The following MLXIP variants were observed in gnomAD, a reference collection of about 807,000 sequenced individuals.
MLXIP encodes the protein MLX-interacting protein.
In MLXIP, 30 loss-of-function variants were observed where a neutral mutation model predicts 87.2. The ratio of observed to expected loss-of-function variants is 0.34; its 90% CI spans 0.26 to 0.47. The LOEUF (loss-of-function observed/expected upper bound fraction) is 0.47. Ranked by LOEUF, MLXIP falls within the 20% of genes least tolerant of loss-of-function variation. The pLI is 1.00. For synonymous variants in MLXIP, 530 were observed against 514.0 expected, an observed-to-expected ratio of 1.03 and a Z score of -0.42; for missense variants, 1,002 against 1,240.1, an observed-to-expected ratio of 0.81 and a Z score of 2.88.
At position 122,135,498 on chromosome 12, in the gene MLXIP, G is replaced by T; in HGVS notation, c.1864G>T (p.Val622Phe). 1 of 1,609,716 alleles carries T rather than the reference G, an allele frequency of 6.2e-7. No individual in the cohort carries two copies. Among genetic ancestry groups the T allele is most frequent in the Non-Finnish European group, 8.5e-7 (1 of 1,178,478 alleles). ...APAAIARAPGVPEFHSSILVT... is the reference protein window; with the variant it reads ...APAAIARAPGFPEFHSSILVT... ...TCCCATGTCACTGCAGGCTCCTGGG[G>T]TCCCGGAGTTCCACAGCAGCATCCT... Residue 622 changes from valine (V) to phenylalanine (F), a missense_variant, in exon 11 of 17, where the codon GTC (valine) becomes TTC (phenylalanine). Physicochemically the swap from Val to Phe is conservative, Grantham distance 50. Transcript: ENST00000319080. This position sits in a 1 kb window ranked among gnomAD's most constrained non-coding sequence, Gnocchi z 5.3.
intron 1 of MLXIP, among the ~76,000 whole-genome samples, chr12:122,101,584 C>CTTTTTTTTTTT (rs371090324): frequency 8.2e-4 from 98 of 118,918 alleles, no homozygotes; most frequent in Middle Eastern, 4.8e-3. Context: ...CTTTTTTTTT[C>CTTTTTTTTTTT]TTTTTTTTTT....
intron 1 of MLXIP, among the ~76,000 whole-genome samples, chr12:122,119,453 G>A (rs1163016489): frequency 2.6e-5 from 4 of 151,874 alleles, no homozygotes; most frequent in East Asian, 1.9e-4. Context: ...GTGCAATGGC[G>A]CAATCTCAGC....
At chr12:122,128,077 G>A in intron 3 of MLXIP, 109 bp downstream of exon 3, 3 of 1,016,826 alleles carry the variant, frequency 3.0e-6, no homozygotes, top group Non-Finnish European at 4.5e-6. Flanking sequence ...GGGTAGTGCA[G>A]CGCCTGCCCT....
At chr12:122,125,842 G>A (rs887533224) in intron 1 of MLXIP, among the ~76,000 whole-genome samples, 1 of 152,220 alleles carries the variant, frequency 6.6e-6, no homozygotes, top group African/African-American at 2.4e-5. Context: ...CTCCTTGGGG[G>A]TTTGGGTGGG....
In MLXIP at chr12:122,133,530, G is replaced by T. The variant is rs374527589; in HGVS notation, c.1275G>T (p.Pro425=). The change falls in exon 9 of 17, where the codon CCG becomes CCT. Residue 425 remains proline, a synonymous_variant. Coordinates refer to ENST00000319080, the MANE Select transcript of MLXIP (RefSeq NM_014938.6). The surrounding 1 kb of genome is among the most constrained non-coding windows in gnomAD (Gnocchi z 4.9). ...FGPSEPPLSV[P]QPFLPVFTMP... ...CCTCAGAGCCGCCACTGAGTGTCCC[G>T]CAGCCCTTCCTCCCTGTCTTCACCA... The T allele has an allele frequency of 8.1e-6, 13 of 1,609,450 alleles. No homozygotes were observed. Among genetic ancestry groups the T allele is most frequent in the East Asian group, 4.5e-5 (2 of 44,622 alleles).
intron 1 of MLXIP, among the ~76,000 whole-genome samples, chr12:122,118,328 A>G (rs905162229): frequency 2.6e-5 from 4 of 152,220 alleles, no homozygotes; most frequent in Admixed American, 1.3e-4. Flanking sequence ...GTAAAGCACA[A>G]TACCGCAGAA....
chr12:122,118,369 T>C (rs1237304954), intron 1 of MLXIP, among the ~76,000 whole-genome samples: 3 of 152,208 alleles, frequency 2.0e-5, no homozygotes, highest in African/African-American at 4.8e-5. Flanking sequence ...TCCAGTGTTA[T>C]ATTTCAACAA....
At chr12:122,106,259 C>T (rs1019289902) in intron 1 of MLXIP, among the ~76,000 whole-genome samples, 5 of 150,060 alleles carry the variant, frequency 3.3e-5, no homozygotes, top group African/African-American at 1.2e-4. Flanking sequence ...CCCTTCTTTC[C>T]CTGGTTAACT....
At chr12:122,128,233 G>A (rs1346426854) in intron 3 of MLXIP, 2 of 413,716 alleles carry the variant, frequency 4.8e-6, no homozygotes, top group Non-Finnish European at 9.1e-6. Context: ...GTGTGTCTAT[G>A]TGTGATTATA....
chr12:122,134,026 G>T, intron 9 of MLXIP, 39 bp downstream of exon 9: 1 of 1,535,320 alleles, frequency 6.5e-7, no homozygotes, highest in South Asian at 1.2e-5. Context: ...GGCTCCCCCC[G>T]ACCCAGAGGG....
chr12:122,133,855 C>T lies in MLXIP; in HGVS notation c.1600C>T (p.Pro534Ser). The change falls in exon 9 of 17, where the codon CCA (proline) becomes TCA (serine). Residue 534 changes from proline to serine, a missense_variant. Around this residue, in one of 3 missense-constraint regions of MLXIP, gnomAD observed 746 missense variants for 897.0 expected, o/e 0.83. Coordinates refer to ENST00000319080, the MANE Select transcript of MLXIP (RefSeq NM_014938.6). The surrounding 1 kb of genome is among the most constrained non-coding windows in gnomAD (Gnocchi z 4.9). ...ALSPVTRPPQ[P>S]RLTFVHPKPV... ...GTCTCCTGTCACCCGGCCTCCCCAG[C>T]CACGGTTAACTTTTGTGCACCCCAA... 1 of 1,612,898 alleles carries T rather than the reference C, an allele frequency of 6.2e-7. No individual in the cohort carries two copies. The highest frequency in any genetic ancestry group is 8.5e-7 in the Non-Finnish European group (1 of 1,179,560).
intron 1 of MLXIP, among the ~76,000 whole-genome samples, chr12:122,090,818 A>G (rs539149710): frequency 6.6e-6 from 1 of 152,370 alleles, no homozygotes; most frequent in South Asian, 2.1e-4. Context: ...ATGCTGCAAC[A>G]TGGAAGAACC....
chr12:122,091,061 A>G (rs1421471543), intron 1 of MLXIP, among the ~76,000 whole-genome samples: 3 of 152,130 alleles, frequency 2.0e-5, no homozygotes, highest in East Asian at 1.9e-4. Flanking sequence ...CTCTGAATAT[A>G]CTGAAAACCA....
At chr12:122,140,586 G>A (rs777773442) in intron 15 of MLXIP, among the ~76,000 whole-genome samples, 2 of 152,124 alleles carry the variant, frequency 1.3e-5, no homozygotes, top group Admixed American at 6.6e-5. Flanking sequence ...GAGCCACCGC[G>A]CCCGGCTGGC....
chr12:122,101,449 C>CTT (rs201053521), intron 1 of MLXIP, among the ~76,000 whole-genome samples: 4 of 149,078 alleles, frequency 2.7e-5, no homozygotes, highest in South Asian at 2.1e-4. Context: ...TAATATATGT[C>CTT]TTTTTTTTTC....
intron 9 of MLXIP, chr12:122,134,958 G>A (rs539323416): frequency 6.2e-5 from 26 of 417,272 alleles, no homozygotes; most frequent in South Asian, 1.9e-4. Flanking sequence ...ACAGATGTGA[G>A]CCATTGCACC....
intron 1 of MLXIP, among the ~76,000 whole-genome samples, chr12:122,107,100 C>T (rs1406100304): frequency 6.6e-6 from 1 of 152,178 alleles, no homozygotes; most frequent in Non-Finnish European, 1.5e-5. Flanking sequence ...AGGTTGTCCA[C>T]TCTGTAGCTT....
Position 122,129,639 on chromosome 12 carries a change from C to G in MLXIP, c.738+10C>G, listed in dbSNP as rs1323306978. The G allele has an allele frequency of 1.3e-6, 2 of 1,596,522 alleles. No homozygotes were observed. Among genetic ancestry groups the G allele is most frequent in the African/African-American group, 1.5e-5 (1 of 67,352 alleles). ...CTCCAGCCTGGTCCAGGTGGGTGAG[C>G]CTGGGAGCTCTGAGGACCCCCACTT... On this transcript the variant is annotated intron_variant, in intron 5 of 16. Coordinates refer to ENST00000319080, the MANE Select transcript of MLXIP (RefSeq NM_014938.6).
intron 1 of MLXIP, among the ~76,000 whole-genome samples, chr12:122,082,792 A>G (rs1011407546): frequency 1.4e-4 from 21 of 152,188 alleles, no homozygotes; most frequent in African/African-American, 4.6e-4. Context: ...TTGACACTGT[A>G]AGGAATGTCA....
Sources: gnomAD v4.1 joint callset for allele counts (sites outside exome capture counted in the v4.1 genomes callset) on GRCh38, gnomAD v4.1.1 for gene constraint, gnomAD v4.1.1 regional missense constraint, Gnocchi (gnomAD v3.1) non-coding constraint, MANE v1.5 for transcripts, NCBI Gene and HGNC (gene_info 2026-07-23, HGNC 2026-07-21) for gene names.